The following NUP62 variants were observed in gnomAD, a reference collection of about 807,000 sequenced individuals.
The protein encoded by NUP62 is nuclear pore glycoprotein p62.
For synonymous variants in NUP62, 305 were observed against 303.4 expected (o/e 1.01, Z -0.05); for missense variants, 647 against 689.4 (o/e 0.94, Z 0.69).
At chr19:49,915,704 G>A (rs893229306) in intron 2 of NUP62, among the ~76,000 whole-genome samples, 6 of 152,228 alleles carry the variant, frequency 3.9e-5, no homozygotes, top group African/African-American at 1.4e-4. Flanking sequence ...GGGGTCAGGG[G>A]CAGGTCTGCC....
chr19:49,924,906 C>A (rs1186358549), intron 2 of NUP62, among the ~76,000 whole-genome samples: 2 of 152,184 alleles, frequency 1.3e-5, no homozygotes, highest in Non-Finnish European at 2.9e-5. Context: ...GACACCTCTG[C>A]AGCCAGCATA....
chr19:49,924,458 C>T (rs1461360952), intron 2 of NUP62, among the ~76,000 whole-genome samples: 3 of 152,184 alleles, frequency 2.0e-5, no homozygotes, highest in Non-Finnish European at 2.9e-5. Flanking sequence ...CCGAACTCCC[C>T]GTCCCCGTCA....
At chr19:49,920,549 CA>C (rs930603897) in intron 2 of NUP62, among the ~76,000 whole-genome samples, 2 of 152,314 alleles carry the variant, frequency 1.3e-5, no homozygotes, top group South Asian at 2.1e-4. Context: ...ACCAACCAAC[CA>C]GGGGGTGCTG....
At chr19:49,913,981 G>A (rs1343203122) in intron 2 of NUP62, among the ~76,000 whole-genome samples, 6 of 152,158 alleles carry the variant, frequency 3.9e-5, no homozygotes, top group Non-Finnish European at 5.9e-5. Context: ...GGCCCGAACT[G>A]GAACTCAGAG....
rs888040682 is a variant in NUP62, at chr19:49,909,037, G to A, written c.771C>T (p.Ser257=). The part of the protein sequence containing the change: ...GAPTAGTQGF[S]LKAPGAASGT... ...CGGAAGCTGCTCCAGGTGCCTTTAA[G>A]CTGAAGCCCTGTGTCCCAGCAGTGG... The change falls in exon 3 of 3, where the codon AGC becomes AGT. Residue 257 remains serine, a synonymous_variant. Coordinates refer to ENST00000352066, the MANE Select transcript of NUP62 (RefSeq NM_016553.5). 4 of 1,613,240 alleles carry A rather than the reference G, an allele frequency of 2.5e-6. No homozygotes were observed. The highest frequency in any genetic ancestry group is 3.4e-6 in the Non-Finnish European group (4 of 1,180,018).
At chr19:49,925,316 A>C (rs1305477104) in intron 2 of NUP62, among the ~76,000 whole-genome samples, 1 of 151,694 alleles carries the variant, frequency 6.6e-6, no homozygotes, top group Non-Finnish European at 1.5e-5. Flanking sequence ...GGCCGGGCAC[A>C]GTGGCTCAGG....
chr19:49,913,543 T>C (rs2075537596), intron 2 of NUP62, among the ~76,000 whole-genome samples: 1 of 152,142 alleles, frequency 6.6e-6, no homozygotes. Flanking sequence ...CCGCCACTGC[T>C]CCGTAAGCGT....
chr19:49,908,804 C>T lies in NUP62; in HGVS notation c.1004G>A (p.Ser335Asn), dbSNP rs1049914948. 1.7e-5 allele frequency: 27 copies of T among 1,613,710 alleles called. No individual in the cohort carries two copies. The highest frequency in any genetic ancestry group is 2.2e-5 in the Non-Finnish European group (26 of 1,180,054). ...SSAMTYAQLESLINKWSLELE... is the reference protein window; with the variant it reads ...SSAMTYAQLENLINKWSLELE... The stretch of plus-strand genomic sequence containing the variant: ...CTCCAGGCTCCATTTGTTGATCAGG[C>T]TCTCCAGCTGCGCGTAGGTCATGGC... Residue 335 changes from serine (S) to asparagine (N), a missense_variant, in exon 3 of 3, where the codon AGC becomes AAC. Ser to Asn is a conservative substitution (Grantham distance 46, BLOSUM62 1). Coordinates refer to ENST00000352066, the MANE Select transcript of NUP62 (RefSeq NM_016553.5).
intron 2 of NUP62, among the ~76,000 whole-genome samples, chr19:49,919,683 G>A (rs563024127): frequency 6.6e-6 from 1 of 152,240 alleles, no homozygotes; most frequent in Admixed American, 6.5e-5. Flanking sequence ...AGCTCTGGTC[G>A]CAGGACCAAC....
Position 49,914,726 on chromosome 19 carries a change from G to GTTTTTTTTTTTTTTTTTTTTTT in NUP62, c.-77-4864_-77-4843dup, listed in dbSNP as rs530372497. Among the ~76,000 whole-genome samples the GTTTTTTTTTTTTTTTTTTTTTT allele has an allele frequency of 3.5e-5, 2 of 56,404 alleles. 1 individual carries two copies. The highest frequency in any genetic ancestry group is 1.3e-4 in the African/African-American group (2 of 15,452). 37.0% of individuals were successfully genotyped at this position (56,404 alleles called of 152,430 possible). On this transcript the variant is annotated intron_variant, in intron 2 of 2. Coordinates refer to ENST00000352066, the MANE Select transcript of NUP62 (RefSeq NM_016553.5). ...GATTCTTGTGCCACTCCAAGTCCCA[G>GTTTTTTTTTTTTTTTTTTTTTT]TTTTTTTTTTTTTTTTTTTTTTTTT... is the stretch of plus-strand genomic sequence containing the variant.
Position 49,908,992 on chromosome 19 carries a change from G to C in NUP62, c.816C>G (p.Ser272=). The C allele has an allele frequency of 6.2e-7, 1 of 1,611,064 alleles. No individual in the cohort carries two copies. The highest frequency in any genetic ancestry group is 8.5e-7 in the Non-Finnish European group (1 of 1,178,350). The part of the protein sequence containing the change: ...GAASGTSTTT[S]TAATATATTT... ...TGGTGGCGGTGGCGGTGGCAGCGGTGGATGTTGTTGTGGAGGTGCCGGAAG... is the reference window on the plus strand; with the variant it reads ...TGGTGGCGGTGGCGGTGGCAGCGGTCGATGTTGTTGTGGAGGTGCCGGAAG... Residue 272 remains serine (S), a synonymous_variant, in exon 3 of 3, where the codon TCC becomes TCG. Coordinates refer to ENST00000352066, the MANE Select transcript of NUP62 (RefSeq NM_016553.5).
chr19:49,925,407 C>A (rs1203339591), intron 2 of NUP62, among the ~76,000 whole-genome samples: 2 of 147,844 alleles, frequency 1.4e-5, no homozygotes, highest in African/African-American at 2.5e-5. Flanking sequence ...CCAGCCTGGG[C>A]AACATAGTAA....
chr19:49,913,428 T>TG (rs1159952234), intron 2 of NUP62, among the ~76,000 whole-genome samples: 1 of 151,746 alleles, frequency 6.6e-6, no homozygotes, highest in Non-Finnish European at 1.5e-5. Context: ...TGACCTAGAG[T>TG]GGGGGCTTTG....
intron 2 of NUP62, among the ~76,000 whole-genome samples, chr19:49,925,087 C>A (rs2075854462): frequency 6.6e-6 from 1 of 151,926 alleles, no homozygotes; most frequent in African/African-American, 2.4e-5. Context: ...CATGGAGAAA[C>A]CCCGTCTCTA....
chr19:49,909,571 C>T lies in NUP62; in HGVS notation c.237G>A (p.Ala79=), dbSNP rs140145985. The stretch of plus-strand genomic sequence containing the variant: ...ATCCAGTTCCCCCCGAAGCAAGAGT[C>T]GCTGTTCCAAAAGTGAAGCCTGTCG... ...TQTTGFTFGT[A]TLASGGTGFS... is the part of the protein sequence containing the mutation. Residue 79 remains alanine (A), a synonymous_variant, in exon 3 of 3, where the codon GCG becomes GCA. Coordinates refer to ENST00000352066, the MANE Select transcript of NUP62 (RefSeq NM_016553.5). The T allele has an allele frequency of 4.6e-5, 74 of 1,614,150 alleles. No individual in the cohort carries two copies. The highest frequency in any genetic ancestry group is 3.6e-4 in the African/African-American group (27 of 75,036).
At chr19:49,922,151 T>C (rs1600550820) in intron 2 of NUP62, among the ~76,000 whole-genome samples, 1 of 152,238 alleles carries the variant, frequency 6.6e-6, no homozygotes, top group African/African-American at 2.4e-5. Flanking sequence ...CTCCCTTTGC[T>C]TCTCAGGCTC....
chr19:49,914,726 G>GTTTTTTTTTTTTTTTTTTTTTTTTT (rs530372497), intron 2 of NUP62, among the ~76,000 whole-genome samples: 1 of 56,362 alleles, frequency 1.8e-5, no homozygotes, highest in Non-Finnish European at 3.2e-5. Context: ...CCAAGTCCCA[G>GTTTTTTTTTTTTTTTTTTTTTTTTT]TTTTTTTTTT....
At chr19:49,918,414 C>T (rs2075679469) in intron 2 of NUP62, 1 of 152,144 alleles carries the variant, frequency 6.6e-6, no homozygotes, top group East Asian at 1.9e-4. Flanking sequence ...CTCCCCTCTC[C>T]CACCCCTATA....
intron 2 of NUP62, among the ~76,000 whole-genome samples, chr19:49,916,573 A>G (rs1332129208): frequency 2.0e-5 from 3 of 152,000 alleles, no homozygotes; most frequent in Admixed American, 6.6e-5. Flanking sequence ...GGAGATCCAG[A>G]CCATGGTGAA....
Sources: allele counts gnomAD v4.1 joint callset (sites outside exome capture counted in the v4.1 genomes callset), GRCh38; gene constraint gnomAD v4.1.1; transcripts MANE v1.5; gene names NCBI Gene and HGNC (gene_info 2026-07-23, HGNC 2026-07-21).